Variants in SETD2 observed in about 807,000 individuals in gnomAD.
SETD2 encodes the protein SET domain containing 2, histone lysine methyltransferase, also known as histone-lysine N-methyltransferase SETD2.
SETD2 carries 31 observed loss-of-function variants against 242.1 expected under a neutral mutation model. That is an observed-to-expected ratio of 0.13 (90% CI 0.10 to 0.17). The LOEUF (loss-of-function observed/expected upper bound fraction) is 0.17. Among genes scored for constraint, SETD2 ranks in the 10% least tolerant of loss-of-function variants. SETD2 has a pLI of 1.00. For missense variants in SETD2, 2,481 were observed against 3,046.3 expected, an observed-to-expected ratio of 0.81 and a Z score of 4.37; for synonymous variants, 1,006 against 1,066.5, an observed-to-expected ratio of 0.94 and a Z score of 1.11.
intron 15 of SETD2, 134 bp from the exon 16 acceptor site, chr3:47,046,755 A>G: frequency 1.5e-6 from 1 of 679,112 alleles, no homozygotes; most frequent in East Asian, 3.4e-5. Context: ...TTTGGACATA[A>G]ATGTGCAAAA....
At chr3:47,091,565 C>A (rs1161928424) in intron 9 of SETD2, among the ~76,000 whole-genome samples, 1 of 152,148 alleles carries the variant, frequency 6.6e-6, no homozygotes, top group Non-Finnish European at 1.5e-5. Flanking sequence ...GAGTTCAAGA[C>A]CAGCCTGGCC....
In SETD2 at chr3:47,124,052, G is replaced by A. The variant is rs2106718733; in HGVS notation, c.584C>T (p.Pro195Leu). ...TGAGAGTGTTGTGGCTTGGGCAGGT[G>A]GAGGCGGTGGAGGCGGAGATGAGGG... ...SPPSSPPPPP[P>L]PAQATTLSSP... is the part of the protein sequence containing the mutation. The change falls in exon 3 of 21, where the codon CCA becomes CTA. Residue 195 changes from proline to leucine, a missense_variant. Pro to Leu is a moderately conservative substitution (Grantham distance 98). Coordinates refer to ENST00000409792, the MANE Select transcript of SETD2 (RefSeq NM_014159.7). The A allele has an allele frequency of 6.4e-7, 1 of 1,551,882 alleles. No homozygotes were observed. The highest frequency in any genetic ancestry group is 8.7e-7 in the Non-Finnish European group (1 of 1,147,008).
intron 15 of SETD2, among the ~76,000 whole-genome samples, chr3:47,052,352 T>C (rs1012886543): frequency 2.0e-5 from 3 of 152,186 alleles, no homozygotes; most frequent in African/African-American, 7.2e-5. Context: ...TGTTTACTTT[T>C]TGTAGAAACA....
At chr3:47,107,030 C>A (rs537283086) in intron 5 of SETD2, among the ~76,000 whole-genome samples, 3 of 152,118 alleles carry the variant, frequency 2.0e-5, no homozygotes, top group South Asian at 4.1e-4. Flanking sequence ...TTTGAATGTT[C>A]TTTTCTTGAT....
chr3:47,106,018 G>A lies in SETD2; in HGVS notation c.4818C>T (p.Phe1606=), dbSNP rs2107696102. 1 of 1,613,282 alleles carries A rather than the reference G, an allele frequency of 6.2e-7. No homozygotes were observed. The highest frequency in any genetic ancestry group is 1.7e-5 in the Admixed American group (1 of 59,978). Reference sequence around the variant, plus strand: ...TTACCTCATCATTCTTCAGGGCCATGAAATAGTAATGGATGTTTTTGTTTC... The same window carrying A: ...TTACCTCATCATTCTTCAGGGCCATAAAATAGTAATGGATGTTTTTGTTTC... The part of the protein sequence containing the change: ...YARNKNIHYY[F]MALKNDEIID... Residue 1606 remains phenylalanine (F), a synonymous_variant, in exon 6 of 21, where the codon TTC becomes TTT. Transcript: ENST00000409792.
intron 15 of SETD2, among the ~76,000 whole-genome samples, chr3:47,054,397 C>T (rs1300322645): frequency 6.6e-6 from 1 of 152,062 alleles, no homozygotes; most frequent in Non-Finnish European, 1.5e-5. Context: ...ATTGCTGTTG[C>T]TTAGGCTCTA....
rs566359433 is a variant in SETD2, at chr3:47,084,394, T to C, written c.5398-12A>G. 8 of 1,493,078 alleles carry C rather than the reference T, an allele frequency of 5.4e-6. No individual in the cohort carries two copies. The East Asian group carries it at 1.1e-4, about 21-fold the overall frequency. 92.5% of individuals were successfully genotyped at this position (1,493,078 alleles called of 1,614,324 possible). On this transcript the variant is annotated splice_polypyrimidine_tract_variant and intron_variant, in intron 11 of 20. Transcript: ENST00000409792. ...AAAGTCTTTATAATCTGATTAAACA[T>C]AAAAAAAAATTACATCACTTTGTAC...
chr3:47,101,550 A>G lies in SETD2; in HGVS notation c.4923T>C (p.Thr1641=). The part of the protein sequence containing the change: ...CEPNCETQKW[T]VNGQLRVGFF... ...ACCCAACCCTCAGTTGTCCGTTCAC[A>G]GTCCACTGAGATGATGTTTGAAAAC... The change falls in exon 8 of 21, where the codon ACT becomes ACC. Residue 1641 remains threonine (T), a synonymous_variant. Coordinates refer to ENST00000409792, the MANE Select transcript of SETD2 (RefSeq NM_014159.7). 5 of 1,602,974 alleles carry G rather than the reference A, an allele frequency of 3.1e-6. No individual in the cohort carries two copies. The highest frequency in any genetic ancestry group is 4.3e-6 in the Non-Finnish European group (5 of 1,170,162).
intron 1 of SETD2, among the ~76,000 whole-genome samples, chr3:47,138,961 CT>C (rs1477055569): frequency 6.6e-6 from 1 of 151,878 alleles, no homozygotes; most frequent in Non-Finnish European, 1.5e-5. Flanking sequence ...TCTTTCTTTT[CT>C]TTTTTTTGAC....
At chr3:47,091,347 G>A (rs2041796060) in intron 9 of SETD2, among the ~76,000 whole-genome samples, 1 of 152,174 alleles carries the variant, frequency 6.6e-6, no homozygotes, top group Admixed American at 6.5e-5. Flanking sequence ...GATATTTTCA[G>A]CCAGACACAG....
At chr3:47,119,824 T>G in intron 3 of SETD2, 1 of 484,508 alleles carries the variant, frequency 2.1e-6, no homozygotes, top group Non-Finnish European at 4.2e-6. Flanking sequence ...CACTTTTTTC[T>G]TCTCTAAGTA....
intron 18 of SETD2, among the ~76,000 whole-genome samples, chr3:47,030,992 A>G (rs751196473): frequency 3.9e-5 from 6 of 152,244 alleles, no homozygotes; most frequent in Non-Finnish European, 8.8e-5. Flanking sequence ...AGCCGATCTG[A>G]AAAGGCTACC....
At chr3:47,075,125 C>T (rs533705694) in intron 12 of SETD2, among the ~76,000 whole-genome samples, 32 of 140,326 alleles carry the variant, frequency 2.3e-4, no homozygotes, top group African/African-American at 7.2e-4. Flanking sequence ...CAGAGCGAGA[C>T]TCCGTCTCTT....
chr3:47,157,829 C>T (rs983392196), intron 1 of SETD2, among the ~76,000 whole-genome samples: 4 of 150,982 alleles, frequency 2.6e-5, no homozygotes, highest in East Asian at 3.9e-4. Context: ...GCCCAGATCA[C>T]GCCACTGTAC....
intron 1 of SETD2, among the ~76,000 whole-genome samples, chr3:47,147,917 CAAAAAAAA>C (rs547475994): frequency 5.8e-5 from 3 of 52,126 alleles, no homozygotes; most frequent in Non-Finnish European, 8.0e-5. Context: ...GACTCTGTCT[CAAAAAAAA>C]AAAAAAAAAA....
intron 12 of SETD2, among the ~76,000 whole-genome samples, chr3:47,073,914 T>G (rs1430015822): frequency 3.3e-5 from 5 of 152,218 alleles, no homozygotes; most frequent in Non-Finnish European, 7.4e-5. Flanking sequence ...ATAATAACTA[T>G]GAAGAGCAAT....
At chr3:47,029,483 C>CA (rs56191823) in intron 18 of SETD2, among the ~76,000 whole-genome samples, 24,363 of 121,764 alleles carry the variant, frequency 0.2, 2,373 homozygotes, top group East Asian at 0.31. Flanking sequence ...AAATAAAAAG[C>CA]AAAAAAAAAA....
intron 9 of SETD2, among the ~76,000 whole-genome samples, chr3:47,094,434 A>G (rs2041926776): frequency 6.6e-6 from 1 of 152,254 alleles, no homozygotes; most frequent in Non-Finnish European, 1.5e-5. Context: ...CATTATTAAC[A>G]TCTTCTTGTC....
chr3:47,034,568 C>T lies in SETD2; in HGVS notation c.7350+3098G>A, dbSNP rs149678310. On this transcript the variant is annotated intron_variant, in intron 18 of 20. Transcript: ENST00000409792. ...GTCCTAGCCACTCAGGAGGCTGAGA[C>T]GAAAGGATTACTTGAGCCTGAGAGT... is the stretch of plus-strand genomic sequence containing the variant. Among the ~76,000 whole-genome samples, 356 of 152,244 alleles carry T rather than the reference C, an allele frequency of 2.3e-3. 8 individuals are homozygous for T. Among genetic ancestry groups the T allele is most frequent in the East Asian group, 9.1e-3 (47 of 5,184 alleles).
Sources: allele counts gnomAD v4.1 joint callset (sites outside exome capture counted in the v4.1 genomes callset), GRCh38; gene constraint gnomAD v4.1.1; transcripts MANE v1.5; gene names NCBI Gene and HGNC (gene_info 2026-07-23, HGNC 2026-07-21).